The following PLAAT4 variants were observed in gnomAD, a reference collection of about 807,000 sequenced individuals.
PLAAT4 encodes HRAS-like suppressor 4.
A neutral mutation model predicts 14.1 loss-of-function variants in PLAAT4; 12 were observed. That is an observed-to-expected ratio of 0.85 (90% CI 0.54 to 1.37). The LOEUF is 1.37. PLAAT4 is among the 40% of genes most tolerant of loss of function. The probability of loss-of-function intolerance (pLI) is 0.00; values close to 1 mark genes in which losing one functional copy is unlikely to be tolerated. For synonymous variants in PLAAT4, 77 were observed against 79.8 expected (o/e 0.96, Z 0.19); for missense variants, 163 against 211.7 (o/e 0.77, Z 1.43).
Position 63,536,852 on chromosome 11 carries a change from C to A in PLAAT4, c.-17C>A, listed in dbSNP as rs1478030498. The A allele has an allele frequency of 6.2e-7, 1 of 1,611,492 alleles. No homozygotes were observed. The highest frequency in any genetic ancestry group is 8.5e-7 in the Non-Finnish European group (1 of 1,178,956). On this transcript the variant is annotated 5_prime_UTR_variant, in exon 1 of 4. Coordinates refer to ENST00000255688, the MANE Select transcript of PLAAT4 (RefSeq NM_004585.5). Reference sequence around the variant, plus strand: ...TCCACAAACAAGAGGAGCACCAGACCTCCTCTTGGCTTCGAGATGGCTTCG... The same window carrying A: ...TCCACAAACAAGAGGAGCACCAGACATCCTCTTGGCTTCGAGATGGCTTCG...
At chr11:63,537,506 CA>C (rs985701652) in intron 1 of PLAAT4, among the ~76,000 whole-genome samples, 3 of 152,148 alleles carry the variant, frequency 2.0e-5, no homozygotes, top group Non-Finnish European at 4.4e-5. Flanking sequence ...AGGAGTCCTG[CA>C]AATTCTGGAG....
chr11:63,545,010 G>A (rs1186559726), intron 3 of PLAAT4, 121 bp downstream of exon 3: 2 of 1,410,790 alleles, frequency 1.4e-6, no homozygotes, highest in Admixed American at 1.7e-5. Flanking sequence ...CTGGCTGAGA[G>A]TCAGGACCTC....
At chr11:63,544,397 G>A (rs781734776) in intron 2 of PLAAT4, among the ~76,000 whole-genome samples, 4 of 152,004 alleles carry the variant, frequency 2.6e-5, no homozygotes, top group South Asian at 2.1e-4. Flanking sequence ...GGAGAATGGC[G>A]TGTACCCAGG....
At chr11:63,544,545 G>C in intron 2 of PLAAT4, 76 bp from the exon 3 acceptor site, 2 of 1,467,490 alleles carry the variant, frequency 1.4e-6, no homozygotes, top group Admixed American at 2.0e-5. Flanking sequence ...AACACCAGTA[G>C]TTCCTTAGTG....
chr11:63,542,311 T>G (rs1024058527), intron 2 of PLAAT4, among the ~76,000 whole-genome samples: 3 of 152,242 alleles, frequency 2.0e-5, no homozygotes, highest in African/African-American at 7.2e-5. Flanking sequence ...GTTATTCTGT[T>G]TTCTTCCGTA....
At chr11:63,542,746 C>T (rs1271172023) in intron 2 of PLAAT4, among the ~76,000 whole-genome samples, 1 of 152,160 alleles carries the variant, frequency 6.6e-6, no homozygotes, top group Non-Finnish European at 1.5e-5. Context: ...TTTCACTTTA[C>T]AATTGCACTA....
intron 2 of PLAAT4, among the ~76,000 whole-genome samples, chr11:63,544,349 G>A (rs1488506980): frequency 6.6e-6 from 1 of 152,076 alleles, no homozygotes; most frequent in Non-Finnish European, 1.5e-5. Context: ...GCGTGGTGGT[G>A]GGTGCCTGTA....
intron 2 of PLAAT4, among the ~76,000 whole-genome samples, chr11:63,542,667 T>TCACA (rs1170840280): frequency 1.3e-5 from 2 of 152,246 alleles, no homozygotes; most frequent in African/African-American, 4.8e-5. Flanking sequence ...GATTCCTGAC[T>TCACA]CACAGCTCCT....
At chr11:63,541,519 T>C (rs1397306667) in intron 2 of PLAAT4, among the ~76,000 whole-genome samples, 1 of 147,350 alleles carries the variant, frequency 6.8e-6, no homozygotes, top group Non-Finnish European at 1.5e-5. Context: ...ACAATTTTTC[T>C]CTCTTTCCTT....
intron 2 of PLAAT4, among the ~76,000 whole-genome samples, chr11:63,541,580 G>GGT (rs1282718114): frequency 2.0e-5 from 3 of 147,100 alleles, no homozygotes; most frequent in African/African-American, 5.0e-5. Flanking sequence ...CATCCAGGCT[G>GGT]GTGTACAGTG....
intron 2 of PLAAT4, among the ~76,000 whole-genome samples, chr11:63,543,886 GC>G (rs1040955480): frequency 2.0e-4 from 30 of 152,314 alleles, no homozygotes; most frequent in African/African-American, 6.7e-4. Flanking sequence ...GAAGGAGCCT[GC>G]CCTTTGGGGC....
At position 63,544,726 on chromosome 11, in the gene PLAAT4, G is replaced by C. The variant is rs376550482; in HGVS notation, c.224G>C (p.Arg75Pro). The change falls in exon 3 of 4, where the codon CGG (arginine) becomes CCG (proline). Residue 75 changes from arginine to proline, a missense_variant. Physicochemically the swap from Arg to Pro is moderately radical, Grantham distance 103. Transcript: ENST00000255688. ...LEDVVGGCCY[R>P]VNNSLDHEYQ... Reference sequence around the variant, plus strand: ...GATGTGGTGGGAGGCTGTTGCTATCGGGTCAACAACAGCTTGGACCATGAG... The same window carrying C: ...GATGTGGTGGGAGGCTGTTGCTATCCGGTCAACAACAGCTTGGACCATGAG... 10 of 1,614,060 alleles carry C rather than the reference G, an allele frequency of 6.2e-6. No individual in the cohort carries two copies. Among genetic ancestry groups the C allele is most frequent in the Admixed American group, 3.3e-5 (2 of 60,008 alleles).
chr11:63,537,861 G>T (rs1195164585), intron 1 of PLAAT4, among the ~76,000 whole-genome samples: 2 of 152,174 alleles, frequency 1.3e-5, no homozygotes, highest in Non-Finnish European at 2.9e-5. Context: ...GGAGGGAGGA[G>T]CACACAGGAT....
At chr11:63,539,694 G>T in intron 2 of PLAAT4, 70 bp downstream of exon 2, 4 of 1,216,626 alleles carry the variant, frequency 3.3e-6, no homozygotes, top group Non-Finnish European at 4.7e-6. Flanking sequence ...GGGCACGGTG[G>T]CTCATGCCTG....
chr11:63,542,501 A>T (rs1209287221), intron 2 of PLAAT4, among the ~76,000 whole-genome samples: 3 of 152,164 alleles, frequency 2.0e-5, no homozygotes, highest in Non-Finnish European at 4.4e-5. Flanking sequence ...TAGGAGGAAG[A>T]TTGTCAATTG....
chr11:63,542,729 C>A (rs2017331427), intron 2 of PLAAT4, among the ~76,000 whole-genome samples: 1 of 152,202 alleles, frequency 6.6e-6, no homozygotes, highest in African/African-American at 2.4e-5. Context: ...CATTCCTTCT[C>A]CTTGAATTTC....
Position 63,536,845 on chromosome 11 carries a change from A to G in PLAAT4, c.-24A>G. On this transcript the variant is annotated 5_prime_UTR_variant, in exon 1 of 4. Coordinates refer to ENST00000255688, the MANE Select transcript of PLAAT4 (RefSeq NM_004585.5). ...AAGCTGATCCACAAACAAGAGGAGC[A>G]CCAGACCTCCTCTTGGCTTCGAGAT... 1.9e-6 allele frequency: 3 copies of G among 1,611,394 alleles called. No homozygotes were observed. Among genetic ancestry groups the G allele is most frequent in the Non-Finnish European group, 2.5e-6 (3 of 1,178,942 alleles).
chr11:63,537,923 T>C (rs1289332044), intron 1 of PLAAT4, among the ~76,000 whole-genome samples: 1 of 152,066 alleles, frequency 6.6e-6, no homozygotes, highest in African/African-American at 2.4e-5. Flanking sequence ...GCACAGGGAA[T>C]TGCAGCTCAA....
intron 2 of PLAAT4, 138 bp downstream of exon 2, chr11:63,539,762 G>A: frequency 1.9e-6 from 1 of 521,580 alleles, no homozygotes; most frequent in Non-Finnish European, 3.3e-6. Flanking sequence ...AGGAGTTCAA[G>A]ACCAGACTGA....
Sources: allele counts gnomAD v4.1 joint callset (sites outside exome capture counted in the v4.1 genomes callset), GRCh38; gene constraint gnomAD v4.1.1; transcripts MANE v1.5; gene names NCBI Gene and HGNC (gene_info 2026-07-23, HGNC 2026-07-21).